Variants in ADGRB1 observed in about 807,000 individuals in gnomAD.
ADGRB1 encodes adhesion G protein-coupled receptor B1.
ADGRB1 carries 36 observed loss-of-function variants against 175.7 expected under a neutral mutation model. The observed-to-expected ratio is 0.20, with a 90% CI of 0.16 to 0.27. ADGRB1 has a LOEUF of 0.27. Ranked by LOEUF, ADGRB1 falls within the 10% of genes least tolerant of loss-of-function variation. ADGRB1 has a pLI of 1.00. For missense variants in ADGRB1, 1,731 were observed against 2,255.3 expected (o/e 0.77, Z 4.71); for synonymous variants, 1,054 against 979.4 (o/e 1.08, Z -1.42).
intron 1 of ADGRB1, among the ~76,000 whole-genome samples, chr8:142,456,236 C>T (rs1434635833): frequency 6.6e-6 from 1 of 152,166 alleles, no homozygotes; most frequent in Non-Finnish European, 1.5e-5. Flanking sequence ...AGCGCGCCCA[C>T]ATGCACACAT....
rs1232709987 is a variant in ADGRB1 at position 142,455,878 on chromosome 8, C to T, written c.-220+5774C>T. Among the ~76,000 whole-genome samples, 2 of 152,192 alleles carry T rather than the reference C, an allele frequency of 1.3e-5. No individual in the cohort carries two copies. Among genetic ancestry groups the T allele is most frequent in the Non-Finnish European group, 2.9e-5 (2 of 68,028 alleles). On this transcript the variant is annotated intron_variant, in intron 1 of 30. Transcript: ENST00000517894. The surrounding 1 kb of genome is among the most constrained non-coding windows in gnomAD (Gnocchi z 4.9). ...GGTTGGTCTTTGGGCCAGCACCTCTCTGAGGCTAAGTTGGCATCTCTGTGA... is the reference window on the plus strand; with the variant it reads ...GGTTGGTCTTTGGGCCAGCACCTCTTTGAGGCTAAGTTGGCATCTCTGTGA...
intron 2 of ADGRB1, among the ~76,000 whole-genome samples, chr8:142,469,191 A>G (rs571923279): frequency 2.0e-5 from 3 of 148,942 alleles, no homozygotes; most frequent in East Asian, 4.1e-4. Flanking sequence ...GAATGTGTGC[A>G]CATGTGCATG....
Position 142,485,235 on chromosome 8 carries a change from T to G in ADGRB1, c.2308+471T>G, listed in dbSNP as rs549266850. On this transcript the variant is annotated intron_variant, in intron 13 of 30. Coordinates refer to ENST00000517894, the MANE Select transcript of ADGRB1 (RefSeq NM_001702.3). Reference sequence around the variant, plus strand: ...TAACGGTGCCCATCTCATGGGGAGGTAGAGACTGATGAGACGAGTGAGTGG... The same window carrying G: ...TAACGGTGCCCATCTCATGGGGAGGGAGAGACTGATGAGACGAGTGAGTGG... Among the ~76,000 whole-genome samples the G allele has an allele frequency of 1.9e-3, 287 of 152,192 alleles. 2 individuals carry two copies. In the Middle Eastern group the frequency reaches 0.031, roughly 16 times the overall value.
At position 142,492,570 on chromosome 8, in the gene ADGRB1, C is replaced by A. The variant is rs879759553; in HGVS notation, c.2675+1755C>A. On this transcript the variant is annotated intron_variant, in intron 17 of 30. Coordinates refer to ENST00000517894, the MANE Select transcript of ADGRB1 (RefSeq NM_001702.3). The surrounding 1 kb of genome is among the most constrained non-coding windows in gnomAD (Gnocchi z 4.4). The stretch of plus-strand genomic sequence containing the variant: ...TGAGCGTCGCAGGGGAAGGAGCAGC[C>A]GGGGCAAAGGCCTCAAGGTGGGATT... 6.6e-6 allele frequency among the ~76,000 whole-genome samples: 1 copy of A among 152,094 alleles called. No homozygotes were observed. The highest frequency in any genetic ancestry group is 2.4e-5 in the African/African-American group (1 of 41,404).
intron 5 of ADGRB1, 38 bp from the exon 6 acceptor site, chr8:142,477,347 G>A: frequency 3.1e-6 from 5 of 1,592,398 alleles, no homozygotes; most frequent in Non-Finnish European, 4.3e-6. Flanking sequence ...CGGGGGCGGT[G>A]GCCGCAGTGG....
At chr8:142,454,075 T>A (rs965026926) in intron 1 of ADGRB1, among the ~76,000 whole-genome samples, 1 of 152,116 alleles carries the variant, frequency 6.6e-6, no homozygotes, top group Non-Finnish European at 1.5e-5. Flanking sequence ...TAGGAGGGTC[T>A]CGAACAGGGT....
At chr8:142,491,507 G>A (rs1427223547) in intron 17 of ADGRB1, among the ~76,000 whole-genome samples, 1 of 152,242 alleles carries the variant, frequency 6.6e-6, no homozygotes, top group East Asian at 1.9e-4. Flanking sequence ...AAGAGTCTGT[G>A]TAAAGGCCCA....
Position 142,510,940 on chromosome 8 carries a change from C to T in ADGRB1, c.2684C>T (p.Ser895Phe), listed in dbSNP as rs763261681. 402 of 1,254,954 alleles carry T rather than the reference C, an allele frequency of 3.2e-4. 1 individual carries two copies. The highest frequency in any genetic ancestry group is 1.3e-3 in the Middle Eastern group (4 of 3,070). 77.7% of individuals were successfully genotyped at this position (1,254,954 alleles called of 1,614,324 possible). A position where few individuals can be genotyped will look rare whatever the true frequency, so the allele number is the denominator to read the frequency against. Residue 895 changes from serine to phenylalanine, a missense_variant, in exon 18 of 31, where the codon TCC becomes TTC. By Grantham distance (155) the Ser-to-Phe change is radical. Transcript: ENST00000517894. The surrounding 1 kb of genome is among the most constrained non-coding windows in gnomAD (Gnocchi z 6.3). ...ILWDETDVPS[S>F]SAPPQLGPWS... Reference sequence around the variant, plus strand: ...GTCCCGCCCGCCCCCAGACCCTCCTCCTCCGCCCCCCCGCAGCTCGGGCCC... The same window carrying T: ...GTCCCGCCCGCCCCCAGACCCTCCTTCTCCGCCCCCCCGCAGCTCGGGCCC...
chr8:142,529,041 C>A (rs543494148), intron 24 of ADGRB1, among the ~76,000 whole-genome samples: 1 of 152,226 alleles, frequency 6.6e-6, no homozygotes, highest in Non-Finnish European at 1.5e-5. Context: ...GCTGCTGGCA[C>A]GGAGCCCAGG....
intron 18 of ADGRB1, among the ~76,000 whole-genome samples, chr8:142,512,725 G>A (rs965751805): frequency 6.6e-6 from 1 of 152,238 alleles, no homozygotes; most frequent in East Asian, 1.9e-4. Flanking sequence ...CAGATGACTC[G>A]GAGAGAGTCC....
In ADGRB1 at chr8:142,526,611, C is replaced by T. The variant is rs770872528; in HGVS notation, c.3382C>T (p.Leu1128=). The T allele has an allele frequency of 5.6e-6, 9 of 1,611,334 alleles. No homozygotes were observed. The highest frequency in any genetic ancestry group is 6.8e-6 in the Non-Finnish European group (8 of 1,179,040). The part of the protein sequence containing the change: ...VSKDGITDKK[L]KERAGASLWS... ...CAAAGACGGCATCACGGACAAGAAG[C>T]TGAAGGAGCGGGCAGGGTAGGACCG... is the stretch of plus-strand genomic sequence containing the variant. Residue 1128 remains leucine (L), a synonymous_variant, in exon 24 of 31, where the codon CTG becomes TTG. Transcript: ENST00000517894.
chr8:142,540,720 G>T (rs1266506874), intron 27 of ADGRB1, among the ~76,000 whole-genome samples: 2 of 152,116 alleles, frequency 1.3e-5, no homozygotes, highest in Non-Finnish European at 2.9e-5. Flanking sequence ...GCGGGGTGGG[G>T]CGGCCTTGGG....
intron 17 of ADGRB1, among the ~76,000 whole-genome samples, chr8:142,505,081 T>C (rs987021396): frequency 1.6e-4 from 24 of 151,644 alleles, no homozygotes; most frequent in Admixed American, 4.6e-4. Flanking sequence ...GTGGGTGGGC[T>C]CTTAGAGCGC....
At chr8:142,528,500 A>G (rs997881909) in intron 24 of ADGRB1, among the ~76,000 whole-genome samples, 1 of 152,098 alleles carries the variant, frequency 6.6e-6, no homozygotes, top group Non-Finnish European at 1.5e-5. Context: ...GGTTTCCGAG[A>G]GCAGGGCGCT....
At position 142,464,205 on chromosome 8, in the gene ADGRB1, G is replaced by A; in HGVS notation, c.7G>A (p.Gly3Ser). The A allele has an allele frequency of 1.6e-6, 2 of 1,286,672 alleles. No homozygotes were observed. Among genetic ancestry groups the A allele is most frequent in the Non-Finnish European group, 2.0e-6 (2 of 1,023,166 alleles). The allele number at this position is 1,286,672 out of a possible 1,614,324, so 79.7% of individuals were successfully genotyped here. ...GGCGGCCCCGCGAGCTAGGATGAGG[G>A]GCCAGGCCGCCGCCCCGGGCCCCGT... MR[G>S]QAAAPGPVWI... Residue 3 changes from glycine to serine, a missense_variant, in exon 2 of 31, where the codon GGC (glycine) becomes AGC (serine). Around this residue, in one of 8 missense-constraint regions of ADGRB1, gnomAD observed 383 missense variants for 383.1 expected, o/e 1.00. Coordinates refer to ENST00000517894, the MANE Select transcript of ADGRB1 (RefSeq NM_001702.3).
At chr8:142,457,657 T>C (rs1225460791) in intron 1 of ADGRB1, among the ~76,000 whole-genome samples, 1 of 151,832 alleles carries the variant, frequency 6.6e-6, no homozygotes, top group Non-Finnish European at 1.5e-5. Flanking sequence ...CTAGCTACCC[T>C]GCAGGTTGAC....
rs1480536433 is a variant in ADGRB1 at position 142,543,062 on chromosome 8, C to G, written c.4414-341C>G. ...CCCACAGGATATGCTCCCACCATAT[C>G]CTGGCTCCTGGCCTCTGGTGATGCT... On this transcript the variant is annotated intron_variant, in intron 28 of 30. Transcript: ENST00000517894. The surrounding 1 kb of genome is among the most constrained non-coding windows in gnomAD (Gnocchi z 4.4). Among the ~76,000 whole-genome samples, 1 of 152,200 alleles carries G rather than the reference C, an allele frequency of 6.6e-6. No homozygotes were observed. The highest frequency in any genetic ancestry group is 2.4e-5 in the African/African-American group (1 of 41,462).
chr8:142,533,323 C>T lies in ADGRB1; in HGVS notation c.3427C>T (p.Leu1143=). Residue 1143 remains leucine (L), a synonymous_variant, in exon 25 of 31, where the codon CTG becomes TTG. Transcript: ENST00000517894. ...GASLWSSCVV[L]PLLALTWMSA... is the part of the protein sequence containing the mutation. Reference sequence around the variant, plus strand: ...CTCCCTGTGGAGCTCCTGCGTGGTGCTGCCGCTGCTGGCGCTGACCTGGAT... The same window carrying T: ...CTCCCTGTGGAGCTCCTGCGTGGTGTTGCCGCTGCTGGCGCTGACCTGGAT... 1 of 1,568,792 alleles carries T rather than the reference C, an allele frequency of 6.4e-7. No homozygotes were observed. Among genetic ancestry groups the T allele is most frequent in the Non-Finnish European group, 8.6e-7 (1 of 1,160,708 alleles).
At chr8:142,522,170 T>C (rs981331251) in intron 21 of ADGRB1, 55 bp downstream of exon 21, 1 of 1,578,908 alleles carries the variant, frequency 6.3e-7, no homozygotes, top group Non-Finnish European at 8.6e-7. Context: ...CCCCCACTGC[T>C]TGTTCTGTCC....
Sources: allele counts gnomAD v4.1 joint callset (sites outside exome capture counted in the v4.1 genomes callset), GRCh38; gene constraint gnomAD v4.1.1; regional missense constraint gnomAD v4.1.1; non-coding constraint Gnocchi (gnomAD v3.1); transcripts MANE v1.5; gene names NCBI Gene and HGNC (gene_info 2026-07-23, HGNC 2026-07-21).